ASPM: variants seen among roughly 807,000 people sequenced by gnomAD.
ASPM encodes the protein abnormal spindle-like microcephaly-associated protein.
A neutral mutation model predicts 366.4 loss-of-function variants in ASPM; 256 were observed. That is an observed-to-expected ratio of 0.70 (90% confidence interval 0.63 to 0.77). ASPM has a LOEUF of 0.77. Ranked by LOEUF, ASPM falls within the 30% of genes least tolerant of loss-of-function variation. The probability of loss-of-function intolerance (pLI) is 0.00; values close to 1 mark genes in which losing one functional copy is unlikely to be tolerated. For missense variants in ASPM, 4,146 were observed against 4,090.4 expected, an observed-to-expected ratio of 1.01 and a Z score of -0.37; for synonymous variants, 1,414 against 1,342.9, an observed-to-expected ratio of 1.05 and a Z score of -1.16.
At chr1:197,134,286 C>T (rs569673474) in intron 5 of ASPM, among the ~76,000 whole-genome samples, 1 of 151,040 alleles carries the variant, frequency 6.6e-6, no homozygotes, top group Non-Finnish European at 1.5e-5. Flanking sequence ...GTGGCGTGCA[C>T]TGGTAGTCAC....
chr1:197,097,812 C>A (rs1412069308), intron 18 of ASPM, among the ~76,000 whole-genome samples: 2 of 151,458 alleles, frequency 1.3e-5, no homozygotes, highest in African/African-American at 2.4e-5. Context: ...TTTTGTGGAC[C>A]ATTTTGGTGT....
Position 197,101,440 on chromosome 1 carries a change from T to C in ASPM, c.7811A>G (p.Lys2604Arg). The C allele has an allele frequency of 1.2e-6, 2 of 1,608,912 alleles. No individual in the cohort carries two copies. Among genetic ancestry groups the C allele is most frequent in the Non-Finnish European group, 1.7e-6 (2 of 1,179,030 alleles). Residue 2604 changes from lysine to arginine, a missense_variant, in exon 18 of 28, where the codon AAA (lysine) becomes AGA (arginine). Lys to Arg is a conservative substitution (Grantham distance 26). Transcript: ENST00000367409. Reference sequence around the variant, plus strand: ...AAAACCTGCCTGAACACAAGTCTCTTTCTTAAGTTCATTGTGTTGAAATAC... The same window carrying C: ...AAAACCTGCCTGAACACAAGTCTCTCTCTTAAGTTCATTGTGTTGAAATAC... ...QKVFQHNELK[K>R]ETCVQAGFQD...
At chr1:197,121,866 C>A in intron 16 of ASPM, 49 bp downstream of exon 16, 1 of 1,547,802 alleles carries the variant, frequency 6.5e-7, no homozygotes, top group Non-Finnish European at 8.9e-7. Context: ...TCAACAAATA[C>A]CTTCTAAAGT....
intron 18 of ASPM, among the ~76,000 whole-genome samples, chr1:197,098,512 C>A (rs979403112): frequency 6.6e-6 from 1 of 151,582 alleles, no homozygotes; most frequent in African/African-American, 2.4e-5. Flanking sequence ...GCTATTTAAT[C>A]ATTTTAAGTG....
chr1:197,090,535 T>C, intron 23 of ASPM, 147 bp from the exon 24 acceptor site: 3 of 767,906 alleles, frequency 3.9e-6, no homozygotes, highest in Middle Eastern at 3.8e-4. Context: ...TTCAAATAAA[T>C]AGCAAAATCA....
At position 197,143,618 on chromosome 1, in the gene ASPM, A is replaced by C; in HGVS notation, c.634T>G (p.Leu212Val). Residue 212 changes from leucine (L) to valine (V), a missense_variant, in exon 3 of 28, where the codon TTA becomes GTA. Leu to Val is a conservative substitution (Grantham distance 32). Around this residue, in one of 3 missense-constraint regions of ASPM, gnomAD observed 512 missense variants for 471.7 expected, o/e 1.09. Transcript: ENST00000367409. ...GGTATTTTATTTTCTTCAAGTATTA[A>C]AGAATTGTTTTCTGTTGGGGGACCG... ...EGGPPTENNSLILEENKIPIS... is the reference protein window; with the variant it reads ...EGGPPTENNSVILEENKIPIS... 6.2e-7 allele frequency: 1 copy of C among 1,613,242 alleles called. No homozygotes were observed. The highest frequency in any genetic ancestry group is 8.5e-7 in the Non-Finnish European group (1 of 1,179,924).
At position 197,101,806 on chromosome 1, in the gene ASPM, C is replaced by G; in HGVS notation, c.7445G>C (p.Arg2482Thr). Residue 2482 changes from arginine (R) to threonine (T), a missense_variant, in exon 18 of 28, where the codon AGG becomes ACG. Coordinates refer to ENST00000367409, the MANE Select transcript of ASPM (RefSeq NM_018136.5). Reference sequence around the variant, plus strand: ...AGTAGCCTGAATGAGAACTGCAGCCCTTTGCATTTCTTGTAACTTCTTCTT... The same window carrying G: ...AGTAGCCTGAATGAGAACTGCAGCCGTTTGCATTTCTTGTAACTTCTTCTT... Reference protein sequence around the residue: ...MVKKKLQEMQRAAVLIQATFR... With the variant: ...MVKKKLQEMQTAAVLIQATFR... 6.2e-7 allele frequency: 1 copy of G among 1,612,796 alleles called. No homozygotes were observed. Among genetic ancestry groups the G allele is most frequent in the Non-Finnish European group, 8.5e-7 (1 of 1,179,330 alleles).
rs587783239 is a variant in ASPM at position 197,121,930 on chromosome 1, ATC to A, written c.3853_3854del (p.Asp1285SerfsTer32). The A allele has an allele frequency of 2.5e-6, 4 of 1,610,080 alleles. No homozygotes were observed. The Admixed American group carries it at 6.7e-5, about 27-fold the overall frequency. ...CTAGGAGTACCTGATGGCGTTTGAGATCTGTTTTTAGTTTATATTTTCTCCAT... is the reference window on the plus strand; with the variant it reads ...CTAGGAGTACCTGATGGCGTTTGAGATGTTTTTAGTTTATATTTTCTCCAT... ...TTWRKYKLKT[D>X]LKRHQEREKA... On this transcript the variant is annotated frameshift_variant, in exon 16 of 28. Transcript: ENST00000367409. LOFTEE classifies it high-confidence loss of function.
Position 197,100,743 on chromosome 1 carries a change from CTG to C in ASPM, c.8506_8507del (p.Gln2836GlufsTer35), listed in dbSNP as rs587783280. ...CRMVTRKLET[Q>X]KCAALRIQFF... is the part of the protein sequence containing the mutation. ...ACTGAATCCGTAGGGCAGCACATTT[CTG>C]TGTTTCCAGTTTTCTTGTGACCATT... On this transcript the variant is annotated frameshift_variant, in exon 18 of 28. Transcript: ENST00000367409. LOFTEE classifies it high-confidence loss of function. 1.1e-4 allele frequency: 184 copies of C among 1,612,352 alleles called. No individual in the cohort carries two copies. The highest frequency in any genetic ancestry group is 1.5e-4 in the Non-Finnish European group (179 of 1,179,110).
At chr1:197,118,955 T>C (rs1657822716) in intron 16 of ASPM, among the ~76,000 whole-genome samples, 1 of 152,178 alleles carries the variant, frequency 6.6e-6, no homozygotes, top group Admixed American at 6.6e-5. Context: ...TTTGTGTTGC[T>C]GTCTGGGACC....
At chr1:197,108,012 T>C (rs1233372517) in intron 17 of ASPM, among the ~76,000 whole-genome samples, 1 of 152,070 alleles carries the variant, frequency 6.6e-6, no homozygotes, top group Non-Finnish European at 1.5e-5. Flanking sequence ...TGATAGACCA[T>C]ATTGTGGATC....
rs1179727226 is a variant in ASPM at position 197,124,379 on chromosome 1, T to C, written c.3169-48A>G. On this transcript the variant is annotated intron_variant, in intron 12 of 27. Coordinates refer to ENST00000367409, the MANE Select transcript of ASPM (RefSeq NM_018136.5). ...TAAATACCTTCATATTTTCCATAGA[T>C]TATTTTTAACCCACAGAAATCAAAG... is the stretch of plus-strand genomic sequence containing the variant. 8 of 1,307,062 alleles carry C rather than the reference T, an allele frequency of 6.1e-6. No individual in the cohort carries two copies. The African/African-American group carries it at 1.0e-4, about 17-fold the overall frequency. The allele number at this position is 1,307,062 out of a possible 1,614,324, so 81.0% of individuals were successfully genotyped here. A position where few individuals can be genotyped will look rare whatever the true frequency, so the allele number is the denominator to read the frequency against.
At chr1:197,087,023 ATC>A in intron 26 of ASPM, 51 bp from the exon 27 acceptor site, 1 of 1,505,616 alleles carries the variant, frequency 6.6e-7, no homozygotes, top group East Asian at 2.4e-5. Context: ...TTAAAATTTT[ATC>A]TCTTTTAGAC....
chr1:197,104,843 TA>T lies in ASPM; in HGVS notation c.4407del (p.Ile1470SerfsTer46). 1 of 1,598,142 alleles carries T rather than the reference TA, an allele frequency of 6.3e-7. No homozygotes were observed. The highest frequency in any genetic ancestry group is 8.5e-7 in the Non-Finnish European group (1 of 1,172,856). On this transcript the variant is annotated frameshift_variant, in exon 18 of 28. Coordinates refer to ENST00000367409, the MANE Select transcript of ASPM (RefSeq NM_018136.5). LOFTEE classifies it high-confidence loss of function. ...TGCATTCTATACCATGATTGTATGATAATAGCAGAATTTTCTTCTTTAGCTT... is the reference window on the plus strand; with the variant it reads ...TGCATTCTATACCATGATTGTATGATATAGCAGAATTTTCTTCTTTAGCTT... Reference protein sequence around the residue: ...RKQAKEENSAIIIQSWYRMHK... With the variant: ...RKQAKEENSAXIIQSWYRMHK...
Position 197,142,985 on chromosome 1 carries a change from GGACTTGA to G in ASPM, c.1260_1266del (p.Gln421HisfsTer32), listed in dbSNP as rs199422139. The G allele has an allele frequency of 1.9e-6, 3 of 1,613,828 alleles. No homozygotes were observed. The South Asian group carries it at 3.3e-5, about 18-fold the overall frequency. ...TTTCTCCAATCTTCAGGAGACTGTG[GGACTTGA>G]GAATTTTCATTTGATAATGGTACTT... On this transcript the variant is annotated frameshift_variant, in exon 3 of 28. Transcript: ENST00000367409. LOFTEE classifies it high-confidence loss of function.
chr1:197,091,102 C>T, intron 22 of ASPM, 61 bp from the exon 23 acceptor site: 1 of 1,281,728 alleles, frequency 7.8e-7, no homozygotes, highest in Non-Finnish European at 1.1e-6. Context: ...AAAAAATATA[C>T]AAATATACAT....
chr1:197,099,606 T>G (rs1273124170), intron 18 of ASPM, among the ~76,000 whole-genome samples: 1 of 151,744 alleles, frequency 6.6e-6, no homozygotes, highest in African/African-American at 2.4e-5. Context: ...TACTTCCTTG[T>G]TCAATTAAGT....
chr1:197,101,790 A>C lies in ASPM; in HGVS notation c.7461T>G (p.Ile2487Met). The C allele has an allele frequency of 6.2e-7, 1 of 1,612,790 alleles. No individual in the cohort carries two copies. Among genetic ancestry groups the C allele is most frequent in the East Asian group, 2.2e-5 (1 of 44,804 alleles). Residue 2487 changes from isoleucine (I) to methionine (M), a missense_variant, in exon 18 of 28, where the codon ATT becomes ATG. Transcript: ENST00000367409. ...LQEMQRAAVL[I>M]QATFRMYRTY... is the part of the protein sequence containing the mutation. ...TTCTGTACATCCTGAAAGTAGCCTG[A>C]ATGAGAACTGCAGCCCTTTGCATTT...
rs774901339 is a variant in ASPM, at chr1:197,103,079, T to C, written c.6172A>G (p.Lys2058Glu). 1.9e-6 allele frequency: 3 copies of C among 1,612,784 alleles called. No homozygotes were observed. In the Admixed American group the frequency reaches 5.0e-5, roughly 27 times the overall value. Residue 2058 changes from lysine (K) to glutamate (E), a missense_variant, in exon 18 of 28, where the codon AAA becomes GAA. Physicochemically the swap from Lys to Glu is moderately conservative, Grantham distance 56 (BLOSUM62 1). Around this residue, in one of 3 missense-constraint regions of ASPM, gnomAD observed 3,624 missense variants for 3,591.7 expected, o/e 1.01. Coordinates refer to ENST00000367409, the MANE Select transcript of ASPM (RefSeq NM_018136.5). ...TAGGTTGCATATTTCTTTTTGGTTTTGTAAGCTCTGTATTTAGACTGTATA... is the reference window on the plus strand; with the variant it reads ...TAGGTTGCATATTTCTTTTTGGTTTCGTAAGCTCTGTATTTAGACTGTATA... Reference protein sequence around the residue: ...VTIQSKYRAYKTKKKYATYRA... With the variant: ...VTIQSKYRAYETKKKYATYRA...
Sources: gnomAD v4.1 joint callset for allele counts (sites outside exome capture counted in the v4.1 genomes callset) on GRCh38, gnomAD v4.1.1 for gene constraint, gnomAD v4.1.1 regional missense constraint, MANE v1.5 for transcripts, NCBI Gene and HGNC (gene_info 2026-07-23, HGNC 2026-07-21) for gene names.